EFNA3: variants seen among roughly 807,000 people sequenced by gnomAD.
EFNA3 encodes the protein ephrin-A3.
Under a neutral mutation model 25.0 loss-of-function variants are expected in EFNA3, and 15 were observed. The observed-to-expected ratio is 0.60, with a 90% CI of 0.40 to 0.92. The LOEUF (loss-of-function observed/expected upper bound fraction) is 0.92. Among genes scored for constraint, EFNA3 ranks in the 40% least tolerant of loss-of-function variants. EFNA3 has a pLI of 0.00. For synonymous variants in EFNA3, 153 were observed against 145.6 expected (o/e 1.05, Z -0.37); for missense variants, 298 against 323.8 (o/e 0.92, Z 0.61).
chr1:155,084,190 A>G (rs1441832171), intron 1 of EFNA3, among the ~76,000 whole-genome samples: 1 of 152,240 alleles, frequency 6.6e-6, no homozygotes, highest in Non-Finnish European at 1.5e-5. Context: ...GGAGGTGCAC[A>G]ATGAGACAGA....
intron 1 of EFNA3, among the ~76,000 whole-genome samples, chr1:155,083,228 G>T (rs1007629006): frequency 5.3e-5 from 8 of 152,192 alleles, no homozygotes; most frequent in Non-Finnish European, 1.2e-4. Flanking sequence ...GGCTGCTTCA[G>T]AGTGGGACTG....
Position 155,086,804 on chromosome 1 carries a change from A to G in EFNA3, c.*261A>G, listed in dbSNP as rs1364098689. 6 of 448,816 alleles carry G rather than the reference A, an allele frequency of 1.3e-5. No homozygotes were observed. Among genetic ancestry groups the G allele is most frequent in the Middle Eastern group, 6.0e-4 (1 of 1,658 alleles). 27.8% of individuals were successfully genotyped at this position (448,816 alleles called of 1,614,324 possible). On this transcript the variant is annotated 3_prime_UTR_variant, in exon 5 of 5. Coordinates refer to ENST00000368408, the MANE Select transcript of EFNA3 (RefSeq NM_004952.5). ...TGTTTGGTACCAAACTTGGGGGCCA[A>G]AAAGGGCAGTGCTCAGGACTCCCTG...
rs954204164 is a variant in EFNA3 at position 155,084,976 on chromosome 1, C to A, written c.129-115C>A. 10 of 1,228,150 alleles carry A rather than the reference C, an allele frequency of 8.1e-6. No individual in the cohort carries two copies. In the African/African-American group the frequency reaches 1.5e-4, roughly 19 times the overall value. 76.1% of individuals were successfully genotyped at this position (1,228,150 alleles called of 1,614,324 possible). On this transcript the variant is annotated intron_variant, in intron 1 of 4. Transcript: ENST00000368408. ...GACAGGGCTGAGCCGCGAGGAAGCTCGGAGGAAAAGTCGGAAGGCTACGCG... is the reference window on the plus strand; with the variant it reads ...GACAGGGCTGAGCCGCGAGGAAGCTAGGAGGAAAAGTCGGAAGGCTACGCG...
At chr1:155,083,843 C>T (rs1180973601) in intron 1 of EFNA3, among the ~76,000 whole-genome samples, 1 of 152,188 alleles carries the variant, frequency 6.6e-6, no homozygotes, top group East Asian at 1.9e-4. Context: ...GCCAAGGACC[C>T]CATGCCTTTC....
intron 1 of EFNA3, 124 bp from the exon 2 acceptor site, chr1:155,084,967 G>T: frequency 8.9e-7 from 1 of 1,127,858 alleles, no homozygotes; most frequent in South Asian, 1.5e-5. Context: ...GCTGAGCCGC[G>T]AGGAAGCTCG....
rs1412208488 is a variant in EFNA3 at position 155,086,887 on chromosome 1, C to CAT, written c.*347_*348dup. ...CTCTCCCTTTGTCCCCCCAGAGAGA[C>CAT]ATATGCCCCCAGAGAGAGCAAATCG... On this transcript the variant is annotated 3_prime_UTR_variant, in exon 5 of 5. Transcript: ENST00000368408. 3.9e-6 allele frequency: 1 copy of CAT among 253,314 alleles called. No homozygotes were observed. Among genetic ancestry groups the CAT allele is most frequent in the Non-Finnish European group, 7.8e-6 (1 of 128,612 alleles). The allele number at this position is 253,314 out of a possible 1,614,324, so 15.7% of individuals were successfully genotyped here.
chr1:155,083,416 G>A (rs1393241022), intron 1 of EFNA3, among the ~76,000 whole-genome samples: 1 of 152,224 alleles, frequency 6.6e-6, no homozygotes, highest in Non-Finnish European at 1.5e-5. Flanking sequence ...GGTCTAACCC[G>A]TTTTCCTGCT....
chr1:155,083,505 G>A (rs1212425478), intron 1 of EFNA3, among the ~76,000 whole-genome samples: 1 of 152,240 alleles, frequency 6.6e-6, no homozygotes, highest in Non-Finnish European at 1.5e-5. Context: ...TTAATCCCAT[G>A]GGAACAGAGT....
At position 155,086,089 on chromosome 1, in the gene EFNA3, T is replaced by C. The variant is rs772080890; in HGVS notation, c.509-39T>C. ...AAGGGGAGGGAATCCTGGCCCTGAC[T>C]CTCCCCTCCTCTCTCCCCACCCGCA... is the stretch of plus-strand genomic sequence containing the variant. On this transcript the variant is annotated intron_variant, in intron 3 of 4. Transcript: ENST00000368408. 2.5e-6 allele frequency: 4 copies of C among 1,596,936 alleles called. No individual in the cohort carries two copies. In the South Asian group the frequency reaches 3.4e-5, roughly 13 times the overall value.
In EFNA3 at chr1:155,086,561, G is replaced by GC. The variant is rs777341003; in HGVS notation, c.*18_*19insC. The GC allele has an allele frequency of 1.2e-6, 2 of 1,612,054 alleles. No homozygotes were observed. The highest frequency in any genetic ancestry group is 1.7e-5 in the Admixed American group (1 of 59,726). On this transcript the variant is annotated 3_prime_UTR_variant, in exon 5 of 5. Transcript: ENST00000368408. ...CCTCCTAGCTCTGCCCCCTCCCCTG[G>GC]GGGGGGAGAGATGGGGCGGGGCTTG...
At position 155,086,066 on chromosome 1, in the gene EFNA3, G is replaced by C. The variant is rs1663449832; in HGVS notation, c.509-62G>C. 4.4e-6 allele frequency: 7 copies of C among 1,586,764 alleles called. 1 individual carries two copies. The South Asian group carries it at 7.9e-5, about 18-fold the overall frequency. ...GGGGCTTGCTCCCCAGCCGTAGCAA[G>C]GGGAGGGAATCCTGGCCCTGACTCT... On this transcript the variant is annotated intron_variant, in intron 3 of 4. Transcript: ENST00000368408.
intron 1 of EFNA3, among the ~76,000 whole-genome samples, chr1:155,082,295 C>T (rs1216801888): frequency 1.3e-5 from 2 of 152,224 alleles, no homozygotes; most frequent in East Asian, 1.9e-4. Flanking sequence ...CTCTGCAGCC[C>T]GGCGTCTAAG....
chr1:155,084,460 G>C (rs2102453091), intron 1 of EFNA3, among the ~76,000 whole-genome samples: 1 of 152,386 alleles, frequency 6.6e-6, no homozygotes, highest in Middle Eastern at 3.4e-3. Flanking sequence ...TGCTGCCTAT[G>C]AGTGGGCGGT....
At chr1:155,084,962 G>A (rs1445700933) in intron 1 of EFNA3, 129 bp from the exon 2 acceptor site, 7 of 1,071,642 alleles carry the variant, frequency 6.5e-6, no homozygotes, top group Non-Finnish European at 9.5e-6. Flanking sequence ...ACAGGGCTGA[G>A]CCGCGAGGAA....
At position 155,080,021 on chromosome 1, in the gene EFNA3, G is replaced by A. The variant is rs1324221477; in HGVS notation, c.128+952G>A. Among the ~76,000 whole-genome samples the A allele has an allele frequency of 2.0e-5, 3 of 152,070 alleles. No individual in the cohort carries two copies. The highest frequency in any genetic ancestry group is 7.2e-5 in the African/African-American group (3 of 41,394). ...GGCTGCGGGGCCGGGTCCTCATTCT[G>A]CTCAGTCCTTGCTGCCCTTGTCTTC... On this transcript the variant is annotated intron_variant, in intron 1 of 4. Transcript: ENST00000368408. The surrounding 1 kb of genome is among the most constrained non-coding windows in gnomAD (Gnocchi z 7.0).
At position 155,079,209 on chromosome 1, in the gene EFNA3, C is replaced by T; in HGVS notation, c.128+140C>T. 2 of 1,011,940 alleles carry T rather than the reference C, an allele frequency of 2.0e-6. No individual in the cohort carries two copies. The highest frequency in any genetic ancestry group is 2.6e-6 in the Non-Finnish European group (2 of 772,808). The allele number at this position is 1,011,940 out of a possible 1,614,324, so 62.7% of individuals were successfully genotyped here. The stretch of plus-strand genomic sequence containing the variant: ...GGCTGGGAGGGGACGGAGAGGGGGA[C>T]GCACTCTGTGGGCGTCTAGGAAACT... On this transcript the variant is annotated intron_variant, in intron 1 of 4. Transcript: ENST00000368408. This position sits in a 1 kb window ranked among gnomAD's most constrained non-coding sequence, Gnocchi z 7.7.
At position 155,085,430 on chromosome 1, in the gene EFNA3, G is replaced by A. The variant is rs767702967; in HGVS notation, c.442+26G>A. 2.6e-6 allele frequency: 4 copies of A among 1,531,294 alleles called. No individual in the cohort carries two copies. In the Admixed American group the frequency reaches 5.9e-5, roughly 22 times the overall value. 94.9% of individuals were successfully genotyped at this position (1,531,294 alleles called of 1,614,324 possible). On this transcript the variant is annotated intron_variant, in intron 2 of 4. Coordinates refer to ENST00000368408, the MANE Select transcript of EFNA3 (RefSeq NM_004952.5). This position sits in a 1 kb window ranked among gnomAD's most constrained non-coding sequence, Gnocchi z 4.4. The stretch of plus-strand genomic sequence containing the variant: ...GTGAGTGACGGCGGCCGGGCGGGCG[G>A]GTCTGAACGCGAGAGTCTGAGTGAC...
Position 155,078,941 on chromosome 1 carries a change from G to A in EFNA3, c.-1G>A. 2 of 1,402,658 alleles carry A rather than the reference G, an allele frequency of 1.4e-6. No individual in the cohort carries two copies. The highest frequency in any genetic ancestry group is 1.9e-6 in the Non-Finnish European group (2 of 1,078,316). 86.9% of individuals were successfully genotyped at this position (1,402,658 alleles called of 1,614,324 possible). On this transcript the variant is annotated 5_prime_UTR_variant, in exon 1 of 5. Transcript: ENST00000368408. ...GGGCGGCGGCGGCGGCGGCTCCGGGGATGGCGGCGGCTCCGCTGCTGCTGC... is the reference window on the plus strand; with the variant it reads ...GGGCGGCGGCGGCGGCGGCTCCGGGAATGGCGGCGGCTCCGCTGCTGCTGC...
At position 155,085,402 on chromosome 1, in the gene EFNA3, T is replaced by C; in HGVS notation, c.440T>C (p.Ile147Thr). 1 of 1,581,312 alleles carries C rather than the reference T, an allele frequency of 6.3e-7. No homozygotes were observed. The highest frequency in any genetic ancestry group is 1.1e-5 in the South Asian group (1 of 89,106). ...EFHAGHEYYY[I>T]STPTHNLHWK... ...CACGCCGGCCACGAGTACTACTACA[T>C]CTGTGAGTGACGGCGGCCGGGCGGG... The change falls in exon 2 of 5, where the codon ATC becomes ACC. Residue 147 changes from isoleucine to threonine, a missense_variant and splice_region_variant. By Grantham distance (89) the Ile-to-Thr change is moderately conservative. Coordinates refer to ENST00000368408, the MANE Select transcript of EFNA3 (RefSeq NM_004952.5). The surrounding 1 kb of genome is among the most constrained non-coding windows in gnomAD (Gnocchi z 4.4).
Sources: allele counts gnomAD v4.1 joint callset (sites outside exome capture counted in the v4.1 genomes callset), GRCh38; gene constraint gnomAD v4.1.1; non-coding constraint Gnocchi (gnomAD v3.1); transcripts MANE v1.5; gene names NCBI Gene and HGNC (gene_info 2026-07-23, HGNC 2026-07-21).